Variants in TOP6BL observed in about 807,000 individuals in gnomAD.
TOP6BL encodes the protein TOP6B like initiator of meiotic double strand breaks.
chr11:66,802,411 C>A, the TOP6BL span, among the ~76,000 whole-genome samples: 1 of 152,020 alleles, frequency 6.6e-6, no homozygotes, highest in Non-Finnish European at 1.5e-5. Flanking sequence ...CCTCGGTCTC[C>A]CAAAGTGCTG....
the TOP6BL span, chr11:66,828,543 T>A: frequency 1.8e-6 from 1 of 565,820 alleles, no homozygotes; most frequent in South Asian, 2.1e-5. Context: ...ACTATCCCAC[T>A]GGTTGCCTGG....
the TOP6BL span, among the ~76,000 whole-genome samples, chr11:66,759,884 A>G: frequency 6.6e-6 from 1 of 152,166 alleles, no homozygotes; most frequent in African/African-American, 2.4e-5. Flanking sequence ...GCCTGGCAGA[A>G]TTTCTTTTTA....
chr11:66,835,563 G>A, the TOP6BL span, among the ~76,000 whole-genome samples: 3 of 152,148 alleles, frequency 2.0e-5, no homozygotes, highest in Middle Eastern at 3.2e-3. Flanking sequence ...TATTCGCAGT[G>A]AGTCCCAGTT....
the TOP6BL span, among the ~76,000 whole-genome samples, chr11:66,837,437 A>C: frequency 6.8e-6 from 1 of 147,190 alleles, no homozygotes; most frequent in East Asian, 2.0e-4. Context: ...GAGAAGCACA[A>C]ATTTTTAATT....
the TOP6BL span, among the ~76,000 whole-genome samples, chr11:66,796,883 AG>A: frequency 1.3e-4 from 20 of 151,184 alleles, no homozygotes; most frequent in Admixed American, 4.6e-4. Flanking sequence ...TAGAGAGACA[AG>A]GTCTCACTAT....
At chr11:66,810,915 C>T in the TOP6BL span, among the ~76,000 whole-genome samples, 1 of 152,078 alleles carries the variant, frequency 6.6e-6, no homozygotes, top group Admixed American at 6.5e-5. Flanking sequence ...ATTACACATT[C>T]CTGAATTAGG....
chr11:66,749,209 G>A, the TOP6BL span, among the ~76,000 whole-genome samples: 6 of 152,140 alleles, frequency 3.9e-5, no homozygotes, highest in Admixed American at 2.6e-4. Flanking sequence ...GGAATGACCT[G>A]TCTTGTCTTT....
At chr11:66,835,167 T>A in the TOP6BL span, among the ~76,000 whole-genome samples, 1 of 152,056 alleles carries the variant, frequency 6.6e-6, no homozygotes, top group Non-Finnish European at 1.5e-5. Flanking sequence ...GCCCAGAGCT[T>A]CATATCTCAA....
At chr11:66,786,650 C>T in the TOP6BL span, among the ~76,000 whole-genome samples, 1 of 152,120 alleles carries the variant, frequency 6.6e-6, no homozygotes, top group Non-Finnish European at 1.5e-5. Context: ...TCTGTACTGT[C>T]TTACTAATCA....
the TOP6BL span, among the ~76,000 whole-genome samples, chr11:66,793,531 C>T: frequency 1.8e-4 from 27 of 149,962 alleles, no homozygotes; most frequent in South Asian, 4.2e-4. Flanking sequence ...CTGCAACCTC[C>T]GCCTTCCAGG....
the TOP6BL span, among the ~76,000 whole-genome samples, chr11:66,776,120 G>A: frequency 3.3e-5 from 5 of 151,374 alleles, no homozygotes; most frequent in South Asian, 2.1e-4. Flanking sequence ...GTGCAGTGGC[G>A]TGATCTCGGC....
chr11:66,796,406 T>A, the TOP6BL span: 1 of 1,472,350 alleles, frequency 6.8e-7, no homozygotes, highest in Non-Finnish European at 9.4e-7. Context: ...CTTATTTAAG[T>A]CATTGTTTTC....
chr11:66,765,086 A>G, the TOP6BL span, among the ~76,000 whole-genome samples: 1 of 152,230 alleles, frequency 6.6e-6, no homozygotes, highest in Non-Finnish European at 1.5e-5. Flanking sequence ...CAGATCATAT[A>G]TAAGGCTACT....
chr11:66,792,100 G>GCACCCAGCTTC, the TOP6BL span, among the ~76,000 whole-genome samples: 1 of 152,236 alleles, frequency 6.6e-6, no homozygotes, highest in African/African-American at 2.4e-5. Flanking sequence ...GTGAGCCGCC[G>GCACCCAGCTTC]CACCCAGCTT....
chr11:66,801,691 C>T, the TOP6BL span, among the ~76,000 whole-genome samples: 1 of 152,148 alleles, frequency 6.6e-6, no homozygotes, highest in African/African-American at 2.4e-5. Flanking sequence ...CAAAAATTAG[C>T]TGGGCATGGT....
At chr11:66,815,999 G>A in the TOP6BL span, 2 of 1,502,462 alleles carry the variant, frequency 1.3e-6, no homozygotes, top group Non-Finnish European at 1.8e-6. Flanking sequence ...TAGTCACTTT[G>A]TATTTCAAGA....
At chr11:66,773,301 GC>G in the TOP6BL span, among the ~76,000 whole-genome samples, 1 of 151,286 alleles carries the variant, frequency 6.6e-6, no homozygotes, top group Non-Finnish European at 1.5e-5. Flanking sequence ...CGATCCTCTT[GC>G]CTCAGCCTCC....
At chr11:66,843,264 A>C in the TOP6BL span, 1 of 1,604,562 alleles carries the variant, frequency 6.2e-7, no homozygotes, top group East Asian at 2.2e-5. Flanking sequence ...GCGCCCACCG[A>C]TCCGGAGGCT....
At chr11:66,816,253 A>AGG in the TOP6BL span, 1 of 1,542,346 alleles carries the variant, frequency 6.5e-7, no homozygotes, top group Non-Finnish European at 8.8e-7. Flanking sequence ...GCTAAGAGAG[A>AGG]GGGAAACTTT....
Sources: allele counts gnomAD v4.1 joint callset (sites outside exome capture counted in the v4.1 genomes callset), GRCh38; gene constraint gnomAD v4.1.1; transcripts MANE v1.5; gene names NCBI Gene and HGNC (gene_info 2026-07-23, HGNC 2026-07-21).